BAIAP2L1: variants seen among roughly 807,000 people sequenced by gnomAD.
BAIAP2L1 encodes BAR/IMD domain-containing adapter protein 2-like 1.
In BAIAP2L1, 35 loss-of-function variants were observed where a neutral mutation model predicts 66.3. The observed-to-expected ratio is 0.53, with a 90% CI of 0.40 to 0.70. The LOEUF is 0.70. Among genes scored for constraint, BAIAP2L1 ranks in the 30% least tolerant of loss-of-function variants. The pLI is 0.00. For synonymous variants in BAIAP2L1, 269 were observed against 248.7 expected, an observed-to-expected ratio of 1.08 and a Z score of -0.77; for missense variants, 622 against 656.9, an observed-to-expected ratio of 0.95 and a Z score of 0.58.
At chr7:98,329,264 G>A (rs1801440462) in intron 3 of BAIAP2L1, among the ~76,000 whole-genome samples, 2 of 152,206 alleles carry the variant, frequency 1.3e-5, no homozygotes, top group Non-Finnish European at 2.9e-5. Flanking sequence ...ACAGGGTGAA[G>A]ATGTACCCTG....
At chr7:98,349,940 C>G (rs1293451198) in intron 3 of BAIAP2L1, among the ~76,000 whole-genome samples, 1 of 151,916 alleles carries the variant, frequency 6.6e-6, no homozygotes, top group African/African-American at 2.4e-5. Context: ...GCCTGTAATC[C>G]CAGCTACTCG....
Position 98,293,438 on chromosome 7 carries a change from C to T in BAIAP2L1, c.*83G>A. The T allele has an allele frequency of 4.6e-6, 6 of 1,317,130 alleles. No homozygotes were observed. In the South Asian group the frequency reaches 7.1e-5, roughly 16 times the overall value. 81.6% of individuals were successfully genotyped at this position (1,317,130 alleles called of 1,614,324 possible). Reference sequence around the variant, plus strand: ...AGGCCTCTCCACTGAAGCTTCCCGACCGTCAGCACGTGGCAGACAGGATGC... The same window carrying T: ...AGGCCTCTCCACTGAAGCTTCCCGATCGTCAGCACGTGGCAGACAGGATGC... On this transcript the variant is annotated 3_prime_UTR_variant, in exon 14 of 14. Coordinates refer to ENST00000005260, the MANE Select transcript of BAIAP2L1 (RefSeq NM_018842.5).
At chr7:98,371,808 T>C (rs1802516278) in intron 1 of BAIAP2L1, among the ~76,000 whole-genome samples, 1 of 151,900 alleles carries the variant, frequency 6.6e-6, no homozygotes, top group Non-Finnish European at 1.5e-5. Context: ...TTTTTTTTTT[T>C]TTCTGAGACG....
intron 6 of BAIAP2L1, 114 bp from the exon 7 acceptor site, chr7:98,315,726 ATAGAG>A (rs1449771728): frequency 1.6e-5 from 7 of 429,432 alleles, no homozygotes; most frequent in Non-Finnish European, 2.2e-5. Flanking sequence ...TATTTGAATA[ATAGAG>A]TAAATACATG....
chr7:98,328,631 G>C (rs889791160), intron 3 of BAIAP2L1, among the ~76,000 whole-genome samples: 7 of 147,460 alleles, frequency 4.7e-5, no homozygotes, highest in African/African-American at 1.8e-4. Flanking sequence ...AAGACTGCTT[G>C]AGCCCAGAAG....
chr7:98,352,609 TC>T (rs1432309773), intron 3 of BAIAP2L1, among the ~76,000 whole-genome samples: 1 of 152,122 alleles, frequency 6.6e-6, no homozygotes, highest in Non-Finnish European at 1.5e-5. Context: ...GCCACTGCAC[TC>T]CAGCCTAGGT....
Position 98,363,246 on chromosome 7 carries a change from G to A in BAIAP2L1, c.52-814C>T, listed in dbSNP as rs571304986. On this transcript the variant is annotated intron_variant, in intron 1 of 13. Coordinates refer to ENST00000005260, the MANE Select transcript of BAIAP2L1 (RefSeq NM_018842.5). ...GGCGGGGTTTCACCATGTTGGCCAG[G>A]CTGGTCTCGAACTCCTGACCTCAGG... Among the ~76,000 whole-genome samples, 5 of 151,986 alleles carry A rather than the reference G, an allele frequency of 3.3e-5. No individual in the cohort carries two copies. The South Asian group carries it at 1.0e-3, about 32-fold the overall frequency.
In BAIAP2L1 at chr7:98,340,216, T is replaced by A. The variant is rs146670663; in HGVS notation, c.214+14826A>T. Among the ~76,000 whole-genome samples, 1,035 of 152,346 alleles carry A rather than the reference T, an allele frequency of 6.8e-3. 8 individuals are homozygous for A. Among genetic ancestry groups the A allele is most frequent in the Non-Finnish European group, 8.3e-3 (568 of 68,028 alleles). The stretch of plus-strand genomic sequence containing the variant: ...AGGTTGACACTTAGGATGTGCCCAG[T>A]GAGCAATCTGGAAGCATGAAGTGTG... On this transcript the variant is annotated intron_variant, in intron 3 of 13. Coordinates refer to ENST00000005260, the MANE Select transcript of BAIAP2L1 (RefSeq NM_018842.5).
At position 98,307,473 on chromosome 7, in the gene BAIAP2L1, C is replaced by G. The variant is rs1800701902; in HGVS notation, c.1163+216G>C. On this transcript the variant is annotated intron_variant, in intron 10 of 13. Transcript: ENST00000005260. ...TTTCAGACAGGTGACTTCATACGCT[C>G]TAATAACTATGCATGCACCAAATGT... is the stretch of plus-strand genomic sequence containing the variant. 4.2e-6 allele frequency: 6 copies of G among 1,418,354 alleles called. No homozygotes were observed. The South Asian group carries it at 9.0e-5, about 21-fold the overall frequency. The allele number at this position is 1,418,354 out of a possible 1,614,324, so 87.9% of individuals were successfully genotyped here. A position where few individuals can be genotyped will look rare whatever the true frequency, so the allele number is the denominator to read the frequency against.
rs36101597 is a variant in BAIAP2L1 at position 98,397,318 on chromosome 7, CTTTTTTT to C, written c.51+3477_51+3483del. On this transcript the variant is annotated intron_variant, in intron 1 of 13. Transcript: ENST00000005260. ...CCGTTCTTCCTCCACTTCTTAAGCCCTTTTTTTTTTTTTTTTTTTTTTTTGAGATGGA... is the reference window on the plus strand; with the variant it reads ...CCGTTCTTCCTCCACTTCTTAAGCCCTTTTTTTTTTTTTTTTTGAGATGGA... Among the ~76,000 whole-genome samples, 59 of 74,522 alleles carry C rather than the reference CTTTTTTT, an allele frequency of 7.9e-4. 1 individual carries two copies. Among genetic ancestry groups the C allele is most frequent in the Middle Eastern group, 0.021 (2 of 94 alleles). 48.9% of individuals were successfully genotyped at this position (74,522 alleles called of 152,430 possible).
At chr7:98,386,076 G>A in intron 1 of BAIAP2L1, 1 of 1,561,536 alleles carries the variant, frequency 6.4e-7, no homozygotes, top group South Asian at 1.1e-5. Flanking sequence ...CTCGGGTCAT[G>A]ATTTCGATCA....
At chr7:98,360,005 C>T (rs1802232492) in intron 2 of BAIAP2L1, among the ~76,000 whole-genome samples, 1 of 151,770 alleles carries the variant, frequency 6.6e-6, no homozygotes, top group Admixed American at 6.6e-5. Context: ...TCATTGCAAC[C>T]TCTGCCTCCC....
chr7:98,337,182 A>G (rs576006887), intron 3 of BAIAP2L1, among the ~76,000 whole-genome samples: 1 of 151,868 alleles, frequency 6.6e-6, no homozygotes, highest in South Asian at 2.1e-4. Flanking sequence ...TGTGTGGCAC[A>G]TTGTCTGAAA....
rs1467265893 is a variant in BAIAP2L1, at chr7:98,312,150, T to A, written c.754A>T (p.Thr252Ser). ...MIEEIKTPAS[T>S]PVSGTPQASP... ...GCCTGAGGAGTTCCAGACACGGGGGTAGAGGCTGGGGTCTTTATTTCTTCG... is the reference window on the plus strand; with the variant it reads ...GCCTGAGGAGTTCCAGACACGGGGGAAGAGGCTGGGGTCTTTATTTCTTCG... Residue 252 changes from threonine (T) to serine (S), a missense_variant, in exon 8 of 14, where the codon ACC becomes TCC. Thr to Ser is a moderately conservative substitution (Grantham distance 58). Transcript: ENST00000005260. 6.2e-7 allele frequency: 1 copy of A among 1,613,242 alleles called. No homozygotes were observed. The highest frequency in any genetic ancestry group is 8.5e-7 in the Non-Finnish European group (1 of 1,179,744).
Position 98,304,382 on chromosome 7 carries a change from A to AC in BAIAP2L1, c.1242-7dup. The AC allele has an allele frequency of 1.2e-6, 2 of 1,613,530 alleles. No homozygotes were observed. Among genetic ancestry groups the AC allele is most frequent in the Non-Finnish European group, 1.7e-6 (2 of 1,179,762 alleles). Reference sequence around the variant, plus strand: ...TGCTTCTCACTGGTGTGGGGCTCAAACCCAAAAAGGACACAGCACGTGTTA... The same window carrying AC: ...TGCTTCTCACTGGTGTGGGGCTCAAACCCCAAAAAGGACACAGCACGTGTTA... On this transcript the variant is annotated splice_region_variant and splice_polypyrimidine_tract_variant and intron_variant, in intron 11 of 13. Transcript: ENST00000005260.
intron 1 of BAIAP2L1, among the ~76,000 whole-genome samples, chr7:98,382,219 C>A (rs933190077): frequency 3.3e-5 from 5 of 151,978 alleles, no homozygotes; most frequent in Non-Finnish European, 7.4e-5. Flanking sequence ...CCGTGCCCAG[C>A]CAAAATCTAG....
At chr7:98,332,505 TA>T (rs1801520480) in intron 3 of BAIAP2L1, among the ~76,000 whole-genome samples, 1 of 145,742 alleles carries the variant, frequency 6.9e-6, no homozygotes, top group Non-Finnish European at 1.5e-5. Context: ...ATGTCTCCTC[TA>T]AAAAGTATAA....
intron 3 of BAIAP2L1, among the ~76,000 whole-genome samples, chr7:98,352,221 G>A (rs1306023091): frequency 1.3e-5 from 2 of 152,072 alleles, no homozygotes; most frequent in Non-Finnish European, 2.9e-5. Context: ...AGATAGCATT[G>A]TACCATGGAA....
At chr7:98,313,979 TTCC>T (rs1800978088) in intron 7 of BAIAP2L1, among the ~76,000 whole-genome samples, 1 of 137,284 alleles carries the variant, frequency 7.3e-6, no homozygotes, top group Non-Finnish European at 1.6e-5. Context: ...CTCCTTTTTC[TTCC>T]TTTTTTTTTT....
Sources: gnomAD v4.1 joint callset for allele counts (sites outside exome capture counted in the v4.1 genomes callset) on GRCh38, gnomAD v4.1.1 for gene constraint, MANE v1.5 for transcripts, NCBI Gene and HGNC (gene_info 2026-07-23, HGNC 2026-07-21) for gene names.